Variants in CDH4 observed in about 807,000 individuals in gnomAD.
The protein encoded by CDH4 is cadherin 4.
In CDH4, 33 loss-of-function variants were observed where a neutral mutation model predicts 86.0. That is an observed-to-expected ratio of 0.38 (90% confidence interval 0.29 to 0.51). The LOEUF (loss-of-function observed/expected upper bound fraction) is 0.51. CDH4 is among the 20% of genes least tolerant of loss of function. CDH4 has a pLI of 0.86. For missense variants in CDH4, 1,114 were observed against 1,307.4 expected, an observed-to-expected ratio of 0.85 and a Z score of 2.28; for synonymous variants, 555 against 549.4, an observed-to-expected ratio of 1.01 and a Z score of -0.14.
chr20:61,415,201 C>T (rs2085140065), intron 2 of CDH4, among the ~76,000 whole-genome samples: 1 of 152,188 alleles, frequency 6.6e-6, no homozygotes, highest in Non-Finnish European at 1.5e-5. Flanking sequence ...TGCCCCCCTA[C>T]CCCAGACCTG....
intron 2 of CDH4, among the ~76,000 whole-genome samples, chr20:61,593,696 C>T (rs112806569): frequency 7.2e-5 from 11 of 151,976 alleles, no homozygotes; most frequent in African/African-American, 2.4e-4. Context: ...TCTCTGGGGA[C>T]GAGGTCTGTG....
At chr20:61,449,497 A>G (rs1381231964) in intron 2 of CDH4, among the ~76,000 whole-genome samples, 1 of 152,178 alleles carries the variant, frequency 6.6e-6, no homozygotes, top group Non-Finnish European at 1.5e-5. Context: ...ATATTTTGTA[A>G]TCAGACGTAT....
intron 4 of CDH4, among the ~76,000 whole-genome samples, chr20:61,838,912 C>T (rs1982007383): frequency 6.6e-6 from 1 of 152,064 alleles, no homozygotes; most frequent in African/African-American, 2.4e-5. Flanking sequence ...TGCAAGTCCG[C>T]CTGCCTGGGT....
chr20:61,629,770 G>GGT (rs2086866506), intron 2 of CDH4, among the ~76,000 whole-genome samples: 1 of 152,192 alleles, frequency 6.6e-6, no homozygotes, highest in South Asian at 2.1e-4. Flanking sequence ...CCCATGGGAA[G>GGT]GTGCTCGGTG....
At chr20:61,745,719 G>A (rs1168946358) in intron 3 of CDH4, among the ~76,000 whole-genome samples, 3 of 151,758 alleles carry the variant, frequency 2.0e-5, no homozygotes, top group African/African-American at 7.3e-5. Context: ...TTCCCTCCCT[G>A]AGCTGTGCCG....
intron 8 of CDH4, among the ~76,000 whole-genome samples, chr20:61,908,667 GGCC>G (rs1279378566): frequency 2.6e-5 from 4 of 151,528 alleles, no homozygotes; most frequent in African/African-American, 9.7e-5. Context: ...GGCTTGTGGT[GGCC>G]GTGGGACATC....
intron 2 of CDH4, among the ~76,000 whole-genome samples, chr20:61,741,171 G>T (rs6061785): frequency 0.045 from 6,916 of 152,078 alleles, 229 homozygotes; most frequent in African/African-American, 0.082. Context: ...ACGGCACCAC[G>T]GCACTCCAGC....
intron 2 of CDH4, among the ~76,000 whole-genome samples, chr20:61,389,109 G>A (rs970273393): frequency 6.6e-6 from 1 of 152,224 alleles, no homozygotes; most frequent in Non-Finnish European, 1.5e-5. Flanking sequence ...GAATGCAAAC[G>A]GCTAGAGGCT....
chr20:61,746,562 G>A (rs1179562787), intron 3 of CDH4, among the ~76,000 whole-genome samples: 1 of 152,224 alleles, frequency 6.6e-6, no homozygotes, highest in Admixed American at 6.5e-5. Context: ...TGCAGGTATG[G>A]CAGAGCCCGG....
intron 2 of CDH4, among the ~76,000 whole-genome samples, chr20:61,626,662 G>C (rs2086832687): frequency 6.6e-6 from 1 of 152,182 alleles, no homozygotes; most frequent in African/African-American, 2.4e-5. Context: ...CAGCAGGTCT[G>C]CTTCTGCACC....
intron 2 of CDH4, among the ~76,000 whole-genome samples, chr20:61,522,731 G>A (rs1222520859): frequency 7.8e-6 from 1 of 128,126 alleles, no homozygotes; most frequent in Non-Finnish European, 1.9e-5. Flanking sequence ...CGCGGAAATG[G>A]CCGCGGGCTG....
chr20:61,837,982 C>T (rs1430836518), intron 4 of CDH4, among the ~76,000 whole-genome samples: 4 of 152,064 alleles, frequency 2.6e-5, no homozygotes, highest in African/African-American at 7.2e-5. Flanking sequence ...TCTCTCTGAT[C>T]GCTCCCCAAG....
intron 2 of CDH4, among the ~76,000 whole-genome samples, chr20:61,273,350 T>C (rs369337046): frequency 1.8e-4 from 20 of 108,730 alleles, no homozygotes; most frequent in East Asian, 1.0e-3. Flanking sequence ...CCTTGTGCAG[T>C]TTGGGGGAGT....
chr20:61,745,356 A>G (rs1168970598), intron 3 of CDH4, among the ~76,000 whole-genome samples: 1 of 152,128 alleles, frequency 6.6e-6, no homozygotes, highest in Non-Finnish European at 1.5e-5. Flanking sequence ...TTGGGAAGGG[A>G]GGGACCTGTG....
At chr20:61,490,934 A>AT (rs1481923314) in intron 2 of CDH4, among the ~76,000 whole-genome samples, 1 of 152,194 alleles carries the variant, frequency 6.6e-6, no homozygotes, top group African/African-American at 2.4e-5. Context: ...ATCTGATACA[A>AT]TTTGTGTAAG....
At chr20:61,770,390 C>T (rs776156056) in intron 3 of CDH4, among the ~76,000 whole-genome samples, 10 of 152,228 alleles carry the variant, frequency 6.6e-5, no homozygotes, top group African/African-American at 9.6e-5. Flanking sequence ...GTCCATTCTC[C>T]ACCACGTGAA....
intron 2 of CDH4, among the ~76,000 whole-genome samples, chr20:61,452,231 T>G (rs2085384935): frequency 1.3e-5 from 2 of 152,172 alleles, no homozygotes; most frequent in Admixed American, 1.3e-4. Flanking sequence ...CATGTTGAGT[T>G]CCAGGTGTCT....
chr20:61,889,532 AGTGGATG>A (rs1167518344), intron 7 of CDH4, among the ~76,000 whole-genome samples: 4 of 134,100 alleles, frequency 3.0e-5, no homozygotes, highest in Non-Finnish European at 4.8e-5. Flanking sequence ...TGGATGAGTA[AGTGGATG>A]GTGGATGATG....
At chr20:61,801,626 C>T (rs1458976544) in intron 4 of CDH4, among the ~76,000 whole-genome samples, 1 of 152,152 alleles carries the variant, frequency 6.6e-6, no homozygotes, top group Non-Finnish European at 1.5e-5. Flanking sequence ...GGGCCATGCT[C>T]CCACTGGAGG....
Sources: allele counts gnomAD v4.1 joint callset (sites outside exome capture counted in the v4.1 genomes callset), GRCh38; gene constraint gnomAD v4.1.1; transcripts MANE v1.5; gene names NCBI Gene and HGNC (gene_info 2026-07-23, HGNC 2026-07-21).